The following CSMD1 variants were observed in gnomAD, a reference collection of about 807,000 sequenced individuals.
The protein encoded by CSMD1 is CUB and sushi domain-containing protein 1.
A neutral mutation model predicts 417.5 loss-of-function variants in CSMD1; 213 were observed. The observed-to-expected ratio is 0.51, with a 90% confidence interval of 0.46 to 0.57. The LOEUF is 0.57. Among genes scored for constraint, CSMD1 ranks in the 20% least tolerant of loss-of-function variants. CSMD1 has a pLI of 0.00. For synonymous variants in CSMD1, 2,862 were observed against 1,736.8 expected (o/e 1.65, Z -16.11); for missense variants, 6,923 against 4,529.7 (o/e 1.53, Z -15.17).
intron 15 of CSMD1, among the ~76,000 whole-genome samples, chr8:3,403,609 C>G (rs1324651837): frequency 2.0e-5 from 3 of 152,140 alleles, no homozygotes; most frequent in African/African-American, 7.2e-5. Flanking sequence ...TGCAATCAGC[C>G]TATTATGGTA....
chr8:3,709,153 A>ATTTTTTT lies in CSMD1; in HGVS notation c.932-669_932-663dup, dbSNP rs10646728. Among the ~76,000 whole-genome samples, 65 of 146,212 alleles carry ATTTTTTT rather than the reference A, an allele frequency of 4.4e-4. 1 individual carries two copies. The highest frequency in any genetic ancestry group is 1.6e-3 in the African/African-American group (64 of 39,430). On this transcript the variant is annotated intron_variant, in intron 6 of 69. Transcript: ENST00000635120. ...TGCATTAAACATTTTAAGAAGTTTCATTTTTTTTTTTTGGTCACTTACGGA... is the reference window on the plus strand; with the variant it reads ...TGCATTAAACATTTTAAGAAGTTTCATTTTTTTTTTTTTTTTTTTGGTCACTTACGGA...
At chr8:4,399,053 T>C (rs114817192) in intron 3 of CSMD1, among the ~76,000 whole-genome samples, 382 of 152,326 alleles carry the variant, frequency 2.5e-3, no homozygotes, top group African/African-American at 9.0e-3. Context: ...TCTGTAAGAA[T>C]CTCAGTCGTA....
chr8:4,635,375 T>G (rs1273736409), intron 2 of CSMD1, among the ~76,000 whole-genome samples: 1 of 152,148 alleles, frequency 6.6e-6, no homozygotes, highest in Non-Finnish European at 1.5e-5. Context: ...AGAATGTTGT[T>G]TTATATTTAT....
At chr8:4,074,666 A>C (rs1033367394) in intron 3 of CSMD1, among the ~76,000 whole-genome samples, 1 of 152,088 alleles carries the variant, frequency 6.6e-6, no homozygotes, top group Admixed American at 6.6e-5. Flanking sequence ...TTTATAATTG[A>C]CAATGGTACG....
chr8:3,477,367 T>C (rs952348341), intron 11 of CSMD1, among the ~76,000 whole-genome samples: 1 of 152,228 alleles, frequency 6.6e-6, no homozygotes, highest in African/African-American at 2.4e-5. Flanking sequence ...CTTTGTAGTC[T>C]TTATGTTCCT....
At chr8:4,867,837 T>A (rs541971169) in intron 1 of CSMD1, among the ~76,000 whole-genome samples, 1 of 152,204 alleles carries the variant, frequency 6.6e-6, no homozygotes, top group East Asian at 1.9e-4. Context: ...TTTAACAGAG[T>A]GTAAATTCTC....
At chr8:4,011,688 TAGAA>T (rs1563316441) in intron 4 of CSMD1, among the ~76,000 whole-genome samples, 1 of 152,186 alleles carries the variant, frequency 6.6e-6, no homozygotes, top group African/African-American at 2.4e-5. Flanking sequence ...ACGAAATAAT[TAGAA>T]AGTCACAAGA....
At chr8:3,995,577 T>C (rs1046408472) in intron 5 of CSMD1, among the ~76,000 whole-genome samples, 1 of 152,044 alleles carries the variant, frequency 6.6e-6, no homozygotes, top group African/African-American at 2.4e-5. Flanking sequence ...TGCCGTGGAG[T>C]CAGAGACCTT....
intron 7 of CSMD1, among the ~76,000 whole-genome samples, chr8:3,630,931 G>T (rs1335714841): frequency 6.6e-6 from 1 of 152,168 alleles, no homozygotes; most frequent in Non-Finnish European, 1.5e-5. Context: ...GAGAAACATG[G>T]TATTCACTTT....
chr8:4,964,768 T>C (rs530905666), intron 1 of CSMD1, among the ~76,000 whole-genome samples: 1 of 152,272 alleles, frequency 6.6e-6, no homozygotes, highest in African/African-American at 2.4e-5. Flanking sequence ...TGACAAAAAC[T>C]CATTTTGTGA....
intron 5 of CSMD1, among the ~76,000 whole-genome samples, chr8:3,962,837 T>G (rs1224990650): frequency 6.6e-6 from 1 of 152,248 alleles, no homozygotes; most frequent in Non-Finnish European, 1.5e-5. Context: ...TTACATGTTG[T>G]GATAAAACAG....
intron 1 of CSMD1, among the ~76,000 whole-genome samples, chr8:4,687,836 TACACACAC>T (rs35687334): frequency 6.7e-5 from 10 of 149,080 alleles, no homozygotes; most frequent in African/African-American, 1.5e-4. Flanking sequence ...CATACATACA[TACACACAC>T]ACACACACAC....
At chr8:3,920,365 G>T (rs1452281898) in intron 5 of CSMD1, among the ~76,000 whole-genome samples, 4 of 151,924 alleles carry the variant, frequency 2.6e-5, no homozygotes, top group Non-Finnish European at 5.9e-5. Flanking sequence ...GTGTTTGTGT[G>T]TGTGTGTGTT....
intron 2 of CSMD1, among the ~76,000 whole-genome samples, chr8:4,516,799 G>T (rs1375424530): frequency 1.3e-5 from 2 of 152,038 alleles, no homozygotes; most frequent in African/African-American, 4.8e-5. Context: ...GACCAACCCA[G>T]GAGGTATTTA....
intron 5 of CSMD1, among the ~76,000 whole-genome samples, chr8:3,926,817 G>C (rs1370915521): frequency 7.0e-6 from 1 of 143,300 alleles, no homozygotes; most frequent in Non-Finnish European, 1.5e-5. Flanking sequence ...CCGGGTTCAA[G>C]CAATTCCCCT....
At chr8:3,443,342 G>A (rs958079776) in intron 12 of CSMD1, among the ~76,000 whole-genome samples, 1 of 152,152 alleles carries the variant, frequency 6.6e-6, no homozygotes, top group Non-Finnish European at 1.5e-5. Context: ...AGGAGAGAGA[G>A]AGAAAGAGAA....
At chr8:3,848,098 T>C (rs1375272729) in intron 5 of CSMD1, among the ~76,000 whole-genome samples, 1 of 145,082 alleles carries the variant, frequency 6.9e-6, no homozygotes, top group Non-Finnish European at 1.5e-5. Flanking sequence ...TCTAAATATA[T>C]ATACTTACTT....
At chr8:4,165,448 C>A (rs540899936) in intron 3 of CSMD1, among the ~76,000 whole-genome samples, 1 of 152,282 alleles carries the variant, frequency 6.6e-6, no homozygotes, top group African/African-American at 2.4e-5. Flanking sequence ...GCTATGTCGC[C>A]CAGGCTGAGT....
intron 37 of CSMD1, among the ~76,000 whole-genome samples, chr8:3,168,622 A>G (rs1324984399): frequency 7.9e-6 from 1 of 126,960 alleles, no homozygotes; most frequent in African/African-American, 3.2e-5. Context: ...AGGAGTCAGT[A>G]AGTCTTCATC....
Sources: gnomAD v4.1 joint callset for allele counts (sites outside exome capture counted in the v4.1 genomes callset) on GRCh38, gnomAD v4.1.1 for gene constraint, MANE v1.5 for transcripts, NCBI Gene and HGNC (gene_info 2026-07-23, HGNC 2026-07-21) for gene names.